The following PARD3 variants were observed in gnomAD, a reference collection of about 807,000 sequenced individuals.
PARD3 encodes partitioning defective 3 homolog.
A neutral mutation model predicts 155.4 loss-of-function variants in PARD3; 75 were observed. The observed-to-expected ratio is 0.48, with a 90% CI of 0.40 to 0.58. PARD3 has a LOEUF of 0.58. PARD3 is among the 20% of genes least tolerant of loss of function. The pLI is 0.00. For missense variants in PARD3, 1,642 were observed against 1,721.7 expected (o/e 0.95, Z 0.82); for synonymous variants, 576 against 610.5 (o/e 0.94, Z 0.83).
At chr10:34,190,871 C>A (rs1044218085) in intron 22 of PARD3, among the ~76,000 whole-genome samples, 9 of 152,032 alleles carry the variant, frequency 5.9e-5, no homozygotes, top group African/African-American at 2.2e-4. Flanking sequence ...ACAGCATATG[C>A]AAAGGCACAA....
intron 1 of PARD3, among the ~76,000 whole-genome samples, chr10:34,785,837 A>C (rs1321236603): frequency 2.6e-5 from 4 of 152,214 alleles, no homozygotes; most frequent in African/African-American, 9.7e-5. Context: ...ATTCCAGAGA[A>C]GAAAAAAAAA....
chr10:34,429,645 A>T (rs560468270), intron 5 of PARD3, among the ~76,000 whole-genome samples: 27 of 152,120 alleles, frequency 1.8e-4, no homozygotes, highest in Middle Eastern at 3.4e-3. Flanking sequence ...GAGTGCAATG[A>T]TGTGATCTCA....
chr10:34,478,412 T>C (rs541426370), intron 3 of PARD3, among the ~76,000 whole-genome samples: 2 of 152,344 alleles, frequency 1.3e-5, no homozygotes, highest in East Asian at 3.9e-4. Flanking sequence ...GATGCCTATA[T>C]GTTGCACTTG....
At chr10:34,666,680 G>A (rs1403475331) in intron 2 of PARD3, among the ~76,000 whole-genome samples, 1 of 146,852 alleles carries the variant, frequency 6.8e-6, no homozygotes, top group East Asian at 2.1e-4. Flanking sequence ...AAAACCTGAA[G>A]CCTTCAGTTT....
chr10:34,751,562 G>A (rs1836034141), intron 1 of PARD3, among the ~76,000 whole-genome samples: 1 of 152,146 alleles, frequency 6.6e-6, no homozygotes, highest in South Asian at 2.1e-4. Context: ...TGGGGGTAGT[G>A]CAGAGACACA....
intron 22 of PARD3, among the ~76,000 whole-genome samples, chr10:34,195,136 G>C (rs762540187): frequency 2.0e-5 from 3 of 152,192 alleles, no homozygotes; most frequent in Non-Finnish European, 4.4e-5. Flanking sequence ...TAACGGAGTA[G>C]CTGCAAAATA....
intron 2 of PARD3, among the ~76,000 whole-genome samples, chr10:34,620,965 C>T (rs1374209219): frequency 6.6e-6 from 1 of 152,212 alleles, no homozygotes; most frequent in East Asian, 1.9e-4. Flanking sequence ...CTTAACTAAG[C>T]CTGGTGTACA....
At chr10:34,204,810 A>G (rs1564480269) in intron 22 of PARD3, among the ~76,000 whole-genome samples, 1 of 152,252 alleles carries the variant, frequency 6.6e-6, no homozygotes, top group Non-Finnish European at 1.5e-5. Context: ...TGGGCTCATA[A>G]GCAGAAATGT....
chr10:34,242,692 G>C (rs1263289586), intron 22 of PARD3, among the ~76,000 whole-genome samples: 1 of 152,156 alleles, frequency 6.6e-6, no homozygotes, highest in Non-Finnish European at 1.5e-5. Context: ...TAAACACTTT[G>C]AAAGGTGGAG....
chr10:34,204,561 G>C (rs1383051911), intron 22 of PARD3, among the ~76,000 whole-genome samples: 1 of 152,168 alleles, frequency 6.6e-6, no homozygotes, highest in African/African-American at 2.4e-5. Flanking sequence ...GTGTTCAACA[G>C]AACAGGATGG....
chr10:34,415,597 C>T lies in PARD3; in HGVS notation c.715-13680G>A, dbSNP rs552706398. ...ACCAGTCAAACAGCAAAGAACGATTCTTATCTAAAAAGGAACCTGAATTGC... is the reference window on the plus strand; with the variant it reads ...ACCAGTCAAACAGCAAAGAACGATTTTTATCTAAAAAGGAACCTGAATTGC... On this transcript the variant is annotated intron_variant, in intron 5 of 24. Coordinates refer to ENST00000374788, the MANE Select transcript of PARD3 (RefSeq NM_001184785.2). Among the ~76,000 whole-genome samples, 4 of 152,222 alleles carry T rather than the reference C, an allele frequency of 2.6e-5. No homozygotes were observed. The South Asian group carries it at 8.3e-4, about 32-fold the overall frequency.
intron 2 of PARD3, among the ~76,000 whole-genome samples, chr10:34,688,910 T>C (rs1432182828): frequency 2.0e-5 from 3 of 152,212 alleles, no homozygotes; most frequent in Non-Finnish European, 1.5e-5. Context: ...AAAATTTGCA[T>C]CTTCAAGAGC....
chr10:34,199,954 AT>A (rs2133328555), intron 22 of PARD3, among the ~76,000 whole-genome samples: 1 of 152,308 alleles, frequency 6.6e-6, no homozygotes, highest in African/African-American at 2.4e-5. Flanking sequence ...ATATTGTGTT[AT>A]TATCCTGAGT....
intron 5 of PARD3, among the ~76,000 whole-genome samples, chr10:34,426,033 A>C (rs899000897): frequency 2.0e-5 from 3 of 152,196 alleles, no homozygotes; most frequent in East Asian, 3.8e-4. Flanking sequence ...CTGAACACCA[A>C]AGCCTAGAGT....
chr10:34,460,964 T>A (rs2077614071), intron 4 of PARD3, among the ~76,000 whole-genome samples: 1 of 152,200 alleles, frequency 6.6e-6, no homozygotes, highest in African/African-American at 2.4e-5. Context: ...TAGCAAGTAT[T>A]CAAAAACAAC....
intron 2 of PARD3, among the ~76,000 whole-genome samples, chr10:34,541,700 A>G (rs2083622584): frequency 6.6e-6 from 1 of 152,206 alleles, no homozygotes; most frequent in Non-Finnish European, 1.5e-5. Flanking sequence ...TCCACATCCA[A>G]GGAAAACAAC....
intron 4 of PARD3, among the ~76,000 whole-genome samples, chr10:34,463,327 AGGAATG>A (rs1182317404): frequency 2.0e-4 from 19 of 93,024 alleles, no homozygotes; most frequent in East Asian, 8.1e-4. Flanking sequence ...GGAAAGGGAA[AGGAATG>A]GGAATGGGAA....
chr10:34,706,742 C>T (rs2094368664), intron 1 of PARD3, among the ~76,000 whole-genome samples: 1 of 151,864 alleles, frequency 6.6e-6, no homozygotes, highest in Non-Finnish European at 1.5e-5. Flanking sequence ...GCTGGGGTAA[C>T]AAAGTGAAAC....
chr10:34,549,367 A>T (rs2084357001), intron 2 of PARD3, among the ~76,000 whole-genome samples: 1 of 152,192 alleles, frequency 6.6e-6, no homozygotes. Context: ...AAATATGTAA[A>T]AACATTCTCT....
Sources: gnomAD v4.1 joint callset for allele counts (sites outside exome capture counted in the v4.1 genomes callset) on GRCh38, gnomAD v4.1.1 for gene constraint, MANE v1.5 for transcripts, NCBI Gene and HGNC (gene_info 2026-07-23, HGNC 2026-07-21) for gene names.